Variants in NME9 observed in about 807,000 individuals in gnomAD.
NME9 encodes the protein NME/NM23 family member 9.
In NME9, 48 loss-of-function variants were observed where a neutral mutation model predicts 44.4. The ratio of observed to expected loss-of-function variants is 1.08; its 90% CI spans 0.86 to 1.37. The LOEUF (loss-of-function observed/expected upper bound fraction) is 1.37. NME9 is among the 40% of genes most tolerant of loss of function. NME9 has a pLI of 0.00. For missense variants in NME9, 325 were observed against 405.2 expected (o/e 0.80, Z 1.70); for synonymous variants, 139 against 147.1 (o/e 0.94, Z 0.40).
chr3:138,300,026 G>A (rs113812702), downstream of NME9, among the ~76,000 whole-genome samples: 863 of 152,242 alleles, frequency 5.7e-3, 4 homozygotes, highest in Non-Finnish European at 8.7e-3. Context: ...GACCATATGG[G>A]CCCCACTCTT....
chr3:138,264,854 A>C (rs2048119596), intron 8 of NME9, among the ~76,000 whole-genome samples: 1 of 149,890 alleles, frequency 6.7e-6, no homozygotes, highest in South Asian at 2.1e-4. Context: ...TCTGCCATTT[A>C]CAGAGATAAT....
At chr3:138,322,369 G>C (rs61244270) in intron 2 of NME9, among the ~76,000 whole-genome samples, 1 of 151,038 alleles carries the variant, frequency 6.6e-6, no homozygotes, top group South Asian at 2.1e-4. Flanking sequence ...TGGAGGAAGC[G>C]GGGGTGGGGG....
At chr3:138,292,427 AG>A (rs1259267316) in intron 8 of NME9, among the ~76,000 whole-genome samples, 1 of 152,232 alleles carries the variant, frequency 6.6e-6, no homozygotes. Context: ...GACCAGTTAA[AG>A]GCCATTGTAA....
intron 8 of NME9, chr3:138,295,801 G>T: frequency 6.3e-7 from 1 of 1,590,230 alleles, no homozygotes; most frequent in Non-Finnish European, 8.6e-7. Flanking sequence ...GAACCATAGG[G>T]TTTTTTACCC....
At chr3:138,280,497 CT>C (rs1039909334) in intron 8 of NME9, among the ~76,000 whole-genome samples, 178 of 107,064 alleles carry the variant, frequency 1.7e-3, no homozygotes, top group Non-Finnish European at 2.4e-3. Context: ...TCTTTTTTTT[CT>C]TTTTTTTTTT....
Position 138,314,339 on chromosome 3 carries a change from C to T in NME9, c.453G>A (p.Glu151=), listed in dbSNP as rs9289556. The T allele has an allele frequency of 0.71, 1,139,592 of 1,596,882 alleles. 408,924 individuals carry two copies. The highest frequency in any genetic ancestry group is 0.83 in the Admixed American group (49,466 of 59,380). ...CATTGGTTCTGCACTCACCCATGTCCTCATCTTCACCATTATTCTTTCCAT... is the reference window on the plus strand; with the variant it reads ...CATTGGTTCTGCACTCACCCATGTCTTCATCTTCACCATTATTCTTTCCAT... ...VSHGKNNGED[E]DMVSSERTCT... Residue 151 remains glutamate, a synonymous_variant, in exon 6 of 11, where the codon GAG becomes GAA. Coordinates refer to ENST00000333911, the MANE Select transcript of NME9 (RefSeq NM_001349018.2).
In NME9 at chr3:138,304,911, GGGGCC is replaced by G. The variant is rs1361245214; in HGVS notation, c.748_752del (p.Gly250ProfsTer2). 1.2e-6 allele frequency: 2 copies of G among 1,614,024 alleles called. No homozygotes were observed. Among genetic ancestry groups the G allele is most frequent in the African/African-American group, 2.7e-5 (2 of 74,898 alleles). On this transcript the variant is annotated frameshift_variant, in exon 9 of 11. Coordinates refer to ENST00000333911, the MANE Select transcript of NME9 (RefSeq NM_001349018.2). LOFTEE classifies it high-confidence loss of function. Reference sequence around the variant, plus strand: ...CCCTCCTGGCCACATTGGGGTCACGGGGGCCCATGACGGTTCGCCAGGTAGTGACC... The same window carrying G: ...CCCTCCTGGCCACATTGGGGTCACGGCATGACGGTTCGCCAGGTAGTGACC...
intron 8 of NME9, chr3:138,284,527 G>T: frequency 6.2e-7 from 1 of 1,600,216 alleles, no homozygotes; most frequent in East Asian, 2.2e-5. Context: ...GTATTACATG[G>T]TGAGCCCTTG....
At position 138,319,519 on chromosome 3, in the gene NME9, T is replaced by A. The variant is rs1186080687; in HGVS notation, c.154A>T (p.Met52Leu). Residue 52 changes from methionine to leucine, a missense_variant, in exon 3 of 11, where the codon ATG (methionine) becomes TTG (leucine). Transcript: ENST00000333911. ...CKPVVSLFQK[M>L]RIEVGLDLLH... Reference sequence around the variant, plus strand: ...AGGTCCAGGCCGACCTCGATCCTCATCTTCTGGAAGAGGCTCACCACAGGT... The same window carrying A: ...AGGTCCAGGCCGACCTCGATCCTCAACTTCTGGAAGAGGCTCACCACAGGT... 1 of 1,613,648 alleles carries A rather than the reference T, an allele frequency of 6.2e-7. No individual in the cohort carries two copies. The highest frequency in any genetic ancestry group is 2.2e-5 in the East Asian group (1 of 44,880).
At chr3:138,289,154 T>A in intron 8 of NME9, 3 of 1,548,526 alleles carry the variant, frequency 1.9e-6, no homozygotes, top group Non-Finnish European at 2.7e-6. Context: ...TTGAAAAAAA[T>A]TATGGGAAGA....
At chr3:138,283,276 A>G (rs1420857003) in intron 8 of NME9, among the ~76,000 whole-genome samples, 1 of 152,232 alleles carries the variant, frequency 6.6e-6, no homozygotes, top group African/African-American at 2.4e-5. Context: ...AATCTCCTCA[A>G]TTAGCTTAAT....
chr3:138,285,450 G>T (rs2050317865), intron 8 of NME9, among the ~76,000 whole-genome samples: 1 of 152,040 alleles, frequency 6.6e-6, no homozygotes, highest in Non-Finnish European at 1.5e-5. Context: ...CACTACACTG[G>T]CCACTTGAAG....
At chr3:138,296,540 A>AT (rs1270159668), downstream of NME9, 1 of 151,892 alleles carries the variant, frequency 6.6e-6, no homozygotes, top group East Asian at 1.9e-4. Context: ...TTTTCTTTAT[A>AT]TAAAAAAAAA....
chr3:138,268,437 T>C (rs576461751), intron 8 of NME9, among the ~76,000 whole-genome samples: 1 of 152,250 alleles, frequency 6.6e-6, no homozygotes, highest in East Asian at 1.9e-4. Flanking sequence ...TCACAGCTGG[T>C]GTACCACCGT....
intron 8 of NME9, among the ~76,000 whole-genome samples, chr3:138,287,450 C>G (rs1232993616): frequency 1.3e-5 from 2 of 152,088 alleles, no homozygotes; most frequent in African/African-American, 4.8e-5. Flanking sequence ...TCCCACCCCT[C>G]CACCCTCCAA....
intron 8 of NME9, among the ~76,000 whole-genome samples, chr3:138,305,476 C>T (rs140763100): frequency 6.6e-6 from 1 of 152,264 alleles, no homozygotes; most frequent in Non-Finnish European, 1.5e-5. Flanking sequence ...TGGGGAACAG[C>T]CCTTACCCAT....
intron 9 of NME9, 54 bp downstream of exon 9, chr3:138,304,819 C>T: frequency 6.4e-7 from 1 of 1,567,684 alleles, no homozygotes; most frequent in Non-Finnish European, 8.7e-7. Context: ...GGGACTCAGC[C>T]TCCTGGGATG....
At chr3:138,325,221 T>C (rs2053705778) in intron 1 of NME9, among the ~76,000 whole-genome samples, 1 of 152,202 alleles carries the variant, frequency 6.6e-6, no homozygotes, top group African/African-American at 2.4e-5. Flanking sequence ...AAAATGTACA[T>C]AAATACATCA....
chr3:138,284,139 T>A (rs1370677056), intron 8 of NME9, among the ~76,000 whole-genome samples: 1 of 152,352 alleles, frequency 6.6e-6, no homozygotes, highest in East Asian at 1.9e-4. Flanking sequence ...CATTTTCTCT[T>A]TGATTTGATA....
Sources: gnomAD v4.1 joint callset for allele counts (sites outside exome capture counted in the v4.1 genomes callset) on GRCh38, gnomAD v4.1.1 for gene constraint, MANE v1.5 for transcripts, NCBI Gene and HGNC (gene_info 2026-07-23, HGNC 2026-07-21) for gene names.